Variants in FREM1 observed in about 807,000 individuals in gnomAD.
FREM1 encodes FRAS1 related extracellular matrix 1.
A neutral mutation model predicts 210.1 loss-of-function variants in FREM1; 220 were observed. The observed-to-expected ratio is 1.05, with a 90% CI of 0.94 to 1.17. FREM1 has a LOEUF of 1.17. Ranked by LOEUF, FREM1 falls within the 50% of genes most tolerant of loss-of-function variation. FREM1 has a pLI of 0.00. For synonymous variants in FREM1, 1,189 were observed against 980.2 expected, an observed-to-expected ratio of 1.21 and a Z score of -3.98; for missense variants, 3,454 against 2,675.5, an observed-to-expected ratio of 1.29 and a Z score of -6.42.
intron 2 of FREM1, among the ~76,000 whole-genome samples, chr9:14,866,252 G>T (rs964450719): frequency 6.6e-6 from 1 of 152,172 alleles, no homozygotes; most frequent in Non-Finnish European, 1.5e-5. Flanking sequence ...ATGACTTGCA[G>T]GCCTATTCCA....
chr9:14,838,510 T>C (rs201754472), intron 10 of FREM1, among the ~76,000 whole-genome samples: 7 of 125,806 alleles, frequency 5.6e-5, no homozygotes, highest in Admixed American at 1.6e-4. Flanking sequence ...CACACACACA[T>C]ACACACAATA....
intron 1 of FREM1, among the ~76,000 whole-genome samples, chr9:14,904,198 G>C (rs180776476): frequency 6.6e-6 from 1 of 151,442 alleles, no homozygotes; most frequent in Non-Finnish European, 1.5e-5. Flanking sequence ...CTCCTTAAAA[G>C]GGAACAAAAA....
intron 7 of FREM1, among the ~76,000 whole-genome samples, chr9:14,846,520 A>AT (rs1826652821): frequency 6.6e-6 from 1 of 152,144 alleles, no homozygotes. Flanking sequence ...CAGAACTTAA[A>AT]TTTTTTAAAA....
chr9:14,883,364 A>T (rs1310891870), intron 1 of FREM1, among the ~76,000 whole-genome samples: 1 of 152,228 alleles, frequency 6.6e-6, no homozygotes, highest in Non-Finnish European at 1.5e-5. Flanking sequence ...ATTAGAAGCA[A>T]TAAAGATCAA....
At chr9:14,755,007 C>G (rs1240579060) in intron 29 of FREM1, among the ~76,000 whole-genome samples, 1 of 152,150 alleles carries the variant, frequency 6.6e-6, no homozygotes, top group Non-Finnish European at 1.5e-5. Context: ...AAGATGAAAG[C>G]AGAGATGCAG....
intron 29 of FREM1, among the ~76,000 whole-genome samples, chr9:14,750,678 G>T (rs1843193070): frequency 6.6e-6 from 1 of 152,068 alleles, no homozygotes; most frequent in African/African-American, 2.4e-5. Context: ...AGTGATTATT[G>T]GATGGTACTT....
intron 10 of FREM1, among the ~76,000 whole-genome samples, chr9:14,827,146 G>C (rs141139148): frequency 1.4e-5 from 2 of 141,646 alleles, no homozygotes; most frequent in East Asian, 4.3e-4. Context: ...GGCAATTCTG[G>C]TGAGGGCTCA....
At chr9:14,892,230 A>G (rs1358181194) in intron 1 of FREM1, among the ~76,000 whole-genome samples, 1 of 152,176 alleles carries the variant, frequency 6.6e-6, no homozygotes, top group Non-Finnish European at 1.5e-5. Context: ...GGTGGGATCC[A>G]GTAACATTAT....
Position 14,897,997 on chromosome 9 carries a change from T to G in FREM1, c.-268+11917A>C, listed in dbSNP as rs1225555014. On this transcript the variant is annotated intron_variant, in intron 1 of 36. Coordinates refer to ENST00000380880, the MANE Select transcript of FREM1 (RefSeq NM_001379081.2). Reference sequence around the variant, plus strand: ...CACACACTTCATTTTTCATAATTTTTCTTTCTTACAAATAACTTTGTAAAT... The same window carrying G: ...CACACACTTCATTTTTCATAATTTTGCTTTCTTACAAATAACTTTGTAAAT... Among the ~76,000 whole-genome samples the G allele has an allele frequency of 3.9e-5, 6 of 152,236 alleles. No homozygotes were observed. The East Asian group carries it at 1.2e-3, about 29-fold the overall frequency.
chr9:14,801,595 A>T (rs1454136241), intron 20 of FREM1, 57 bp downstream of exon 20: 1 of 1,194,688 alleles, frequency 8.4e-7, no homozygotes, highest in Non-Finnish European at 1.2e-6. Flanking sequence ...ACATATAAGT[A>T]TGGGTTAAAT....
intron 26 of FREM1, 46 bp from the exon 27 acceptor site, chr9:14,769,914 T>A: frequency 1.0e-6 from 1 of 986,246 alleles, no homozygotes; most frequent in Non-Finnish European, 1.5e-6. Context: ...AAACAAAACA[T>A]TAAATAAAAG....
At chr9:14,737,950 G>T (rs1358421693) in intron 36 of FREM1, among the ~76,000 whole-genome samples, 1 of 152,086 alleles carries the variant, frequency 6.6e-6, no homozygotes, top group Non-Finnish European at 1.5e-5. Flanking sequence ...TTAATAAATG[G>T]CAGCTATTAT....
At chr9:14,786,984 T>C (rs1850527193) in intron 23 of FREM1, among the ~76,000 whole-genome samples, 1 of 152,170 alleles carries the variant, frequency 6.6e-6, no homozygotes, top group Non-Finnish European at 1.5e-5. Flanking sequence ...TTTTCAGCAC[T>C]GTAAGGGCAG....
intron 20 of FREM1, among the ~76,000 whole-genome samples, chr9:14,799,898 T>C (rs1853198907): frequency 6.6e-6 from 1 of 151,266 alleles, no homozygotes; most frequent in Non-Finnish European, 1.5e-5. Flanking sequence ...CTGCACCCAT[T>C]AACTCATCAT....
At position 14,812,898 on chromosome 9, in the gene FREM1, T is replaced by C. The variant is rs1819655510; in HGVS notation, c.2807A>G (p.His936Arg). Residue 936 changes from histidine (H) to arginine (R), a missense_variant, in exon 16 of 37, where the codon CAT (histidine) becomes CGT (arginine). By Grantham distance (29) the His-to-Arg change is conservative. Coordinates refer to ENST00000380880, the MANE Select transcript of FREM1 (RefSeq NM_001379081.2). ...LMFVIAREPQ[H>R]GVVRRAGVTV... ...GACTCCAGCTCTCCTCACCACCCCA[T>C]GCTGAGGTTCGCGAGCAATCACAAA... The C allele has an allele frequency of 1.9e-6, 3 of 1,613,776 alleles. No individual in the cohort carries two copies. The highest frequency in any genetic ancestry group is 1.7e-5 in the Admixed American group (1 of 59,996).
In FREM1 at chr9:14,852,398, C is replaced by T. The variant is rs1025715127; in HGVS notation, c.829-791G>A. 4.6e-5 allele frequency among the ~76,000 whole-genome samples: 7 copies of T among 152,218 alleles called. 1 individual carries two copies. In the Middle Eastern group the frequency reaches 0.024, roughly 521 times the overall value. On this transcript the variant is annotated intron_variant, in intron 5 of 36. Coordinates refer to ENST00000380880, the MANE Select transcript of FREM1 (RefSeq NM_001379081.2). ...AACAAGTGCTATGGGCAGAAAGAAT[C>T]CTCACAGGGTGAGGTGTGGTAGCTC...
chr9:14,819,250 G>T lies in FREM1; in HGVS notation c.2530C>A (p.His844Asn). ...SGGTFSWGDL[H>N]TLKVRYQHDG... Reference sequence around the variant, plus strand: ...TGTTCTAACCTAACTTTTAAGGTATGGAGATCGCCCCAAGAAAATGTGCCC... The same window carrying T: ...TGTTCTAACCTAACTTTTAAGGTATTGAGATCGCCCCAAGAAAATGTGCCC... The change falls in exon 14 of 37, where the codon CAT becomes AAT. Residue 844 changes from histidine to asparagine, a missense_variant. Coordinates refer to ENST00000380880, the MANE Select transcript of FREM1 (RefSeq NM_001379081.2). The T allele has an allele frequency of 1.9e-6, 3 of 1,612,234 alleles. No individual in the cohort carries two copies. Among genetic ancestry groups the T allele is most frequent in the Non-Finnish European group, 2.5e-6 (3 of 1,178,640 alleles).
intron 3 of FREM1, among the ~76,000 whole-genome samples, chr9:14,863,051 A>T (rs1830854614): frequency 6.6e-6 from 1 of 152,000 alleles, no homozygotes; most frequent in South Asian, 2.1e-4. Context: ...TGATTTTTAA[A>T]GAATTTTAGG....
At chr9:14,777,202 G>C (rs1288544331) in intron 24 of FREM1, among the ~76,000 whole-genome samples, 2 of 152,188 alleles carry the variant, frequency 1.3e-5, no homozygotes, top group East Asian at 1.9e-4. Context: ...TCTTAGGTTT[G>C]TGATATCTTA....
Sources: allele counts gnomAD v4.1 joint callset (sites outside exome capture counted in the v4.1 genomes callset), GRCh38; gene constraint gnomAD v4.1.1; transcripts MANE v1.5; gene names NCBI Gene and HGNC (gene_info 2026-07-23, HGNC 2026-07-21).